HCRTR1: variants seen among roughly 807,000 people sequenced by gnomAD.
HCRTR1 encodes hypocretin receptor 1, also known as orexin/Hypocretin receptor type 1.
A neutral mutation model predicts 40.6 loss-of-function variants in HCRTR1; 28 were observed. The ratio of observed to expected loss-of-function variants is 0.69; its 90% CI spans 0.51 to 0.95. HCRTR1 has a LOEUF of 0.95. Ranked by LOEUF, HCRTR1 falls within the 40% of genes least tolerant of loss-of-function variation. The pLI is 0.00. For missense variants in HCRTR1, 482 were observed against 564.7 expected (o/e 0.85, Z 1.48); for synonymous variants, 209 against 230.0 (o/e 0.91, Z 0.83).
downstream of HCRTR1, chr1:31,632,500 T>C: frequency 6.2e-7 from 1 of 1,614,276 alleles, no homozygotes; most frequent in South Asian, 1.1e-5. Flanking sequence ...CGCACCTTGC[T>C]GCAGCTCTGT....
Position 31,619,111 on chromosome 1 carries a change from G to T in HCRTR1, c.-82G>T. ...CAAGCCTCCAGGCACCCTGAAGGGA[G>T]TGGGCTGAGGGCTGGCCCAAGCTCC... is the stretch of plus-strand genomic sequence containing the variant. On this transcript the variant is annotated 5_prime_UTR_variant, in exon 3 of 9. Coordinates refer to ENST00000403528, the MANE Select transcript of HCRTR1 (RefSeq NM_001525.3). The T allele has an allele frequency of 8.1e-7, 1 of 1,239,600 alleles. No homozygotes were observed. The allele number at this position is 1,239,600 out of a possible 1,614,324, so 76.8% of individuals were successfully genotyped here.
chr1:31,626,875 C>T lies in HCRTR1; in HGVS notation c.1173C>T (p.Pro391=), dbSNP rs749567498. Residue 391 remains proline (P), a synonymous_variant, in exon 9 of 9, where the codon CCC becomes CCT. Transcript: ENST00000403528. The surrounding 1 kb of genome is among the most constrained non-coding windows in gnomAD (Gnocchi z 4.6). ...GCGGCTCTCTGAAGGCCCCTAGTCC[C>T]CGCTCCTCTGCCAGCCACAAGTCCT... ...GPCGSLKAPS[P]RSSASHKSLS... is the part of the protein sequence containing the mutation. 6.8e-6 allele frequency: 11 copies of T among 1,614,108 alleles called. No individual in the cohort carries two copies. The highest frequency in any genetic ancestry group is 9.3e-6 in the Non-Finnish European group (11 of 1,180,046).
intron 5 of HCRTR1, 136 bp downstream of exon 5, chr1:31,621,222 GACT>G (rs1639849519): frequency 2.4e-6 from 3 of 1,244,344 alleles, no homozygotes; most frequent in Non-Finnish European, 3.3e-6. Flanking sequence ...GGACACCCTA[GACT>G]GGCTCCTACC....
Position 31,622,703 on chromosome 1 carries a change from G to A in HCRTR1, c.739-820G>A, listed in dbSNP as rs984387914. Among the ~76,000 whole-genome samples, 3 of 152,262 alleles carry A rather than the reference G, an allele frequency of 2.0e-5. No individual in the cohort carries two copies. In the South Asian group the frequency reaches 6.2e-4, roughly 32 times the overall value. On this transcript the variant is annotated intron_variant, in intron 6 of 8. Coordinates refer to ENST00000403528, the MANE Select transcript of HCRTR1 (RefSeq NM_001525.3). ...TCTGTGGTGGGTGATTTGAGTGTCC[G>A]GTGGCAGGAGAGGCTTCTCCAGGAG...
At chr1:31,624,288 G>A (rs542661278) in intron 7 of HCRTR1, among the ~76,000 whole-genome samples, 12 of 152,068 alleles carry the variant, frequency 7.9e-5, no homozygotes, top group African/African-American at 2.7e-4. Context: ...ATGAGACTTC[G>A]TCTCTACTAA....
downstream of HCRTR1, among the ~76,000 whole-genome samples, chr1:31,634,288 A>G (rs759811495): frequency 6.6e-5 from 10 of 152,240 alleles, no homozygotes; most frequent in African/African-American, 7.2e-5. Context: ...TGTAGTTTGT[A>G]TAGAAGGGCT....
chr1:31,632,407 CAA>C (rs1217708586), downstream of HCRTR1: 19 of 1,599,324 alleles, frequency 1.2e-5, no homozygotes, highest in Non-Finnish European at 1.5e-5. Context: ...CATTCGGTAA[CAA>C]GAGGAAACCC....
downstream of HCRTR1, chr1:31,630,410 T>C: frequency 1.7e-6 from 1 of 601,036 alleles, no homozygotes; most frequent in Admixed American, 2.9e-5. Flanking sequence ...ATCAGGCCCC[T>C]ATCTGTGTGG....
rs12057176 is a variant in HCRTR1 at position 31,626,117 on chromosome 1, C to T, written c.1088-673C>T. Among the ~76,000 whole-genome samples, 11,452 of 152,080 alleles carry T rather than the reference C, an allele frequency of 0.075. 534 individuals are homozygous for T. The highest frequency in any genetic ancestry group is 0.13 in the African/African-American group (5,231 of 41,356). ...CAGAGAGGCTGGCAGCCTAATGACA[C>T]ATGATCAAAGGGGCTTCAGCCTGAC... On this transcript the variant is annotated intron_variant, in intron 8 of 8. Transcript: ENST00000403528. This position sits in a 1 kb window ranked among gnomAD's most constrained non-coding sequence, Gnocchi z 4.6.
At chr1:31,630,932 G>T, downstream of HCRTR1, 2 of 1,095,536 alleles carry the variant, frequency 1.8e-6, no homozygotes, top group South Asian at 1.4e-5. Context: ...ACAGTTCAAG[G>T]AACTTCGAGA....
Position 31,626,776 on chromosome 1 carries a change from G to A in HCRTR1, c.1088-14G>A, listed in dbSNP as rs774267166. On this transcript the variant is annotated splice_polypyrimidine_tract_variant and intron_variant, in intron 8 of 8. Transcript: ENST00000403528. The surrounding 1 kb of genome is among the most constrained non-coding windows in gnomAD (Gnocchi z 4.6). The stretch of plus-strand genomic sequence containing the variant: ...CTGTCTCCTTATGGCTGTGTCTTTT[G>A]TCTCCCAACCAAGGCAAATTCCGGG... 3 of 1,462,032 alleles carry A rather than the reference G, an allele frequency of 2.1e-6. No homozygotes were observed. The highest frequency in any genetic ancestry group is 2.8e-6 in the Non-Finnish European group (3 of 1,084,542). 90.6% of individuals were successfully genotyped at this position (1,462,032 alleles called of 1,614,324 possible).
chr1:31,623,296 C>CA (rs11286118), intron 6 of HCRTR1, among the ~76,000 whole-genome samples: 2 of 133,284 alleles, frequency 1.5e-5, no homozygotes, highest in African/African-American at 5.6e-5. Flanking sequence ...AATGCCATCT[C>CA]AAAAAAAAAA....
Position 31,625,085 on chromosome 1 carries a change from G to T in HCRTR1, c.1054G>T (p.Ala352Ser), listed in dbSNP as rs763080324. ...FSHWLVYANS[A>S]ANPIIYNFLS... ...CCACTGGCTGGTGTACGCCAACAGC[G>T]CTGCCAACCCCATCATCTACAACTT... Residue 352 changes from alanine to serine, a missense_variant, in exon 8 of 9, where the codon GCT (alanine) becomes TCT (serine). Physicochemically the swap from Ala to Ser is moderately conservative, Grantham distance 99 (BLOSUM62 1). Coordinates refer to ENST00000403528, the MANE Select transcript of HCRTR1 (RefSeq NM_001525.3). The surrounding 1 kb of genome is among the most constrained non-coding windows in gnomAD (Gnocchi z 4.2). 16 of 1,611,984 alleles carry T rather than the reference G, an allele frequency of 9.9e-6. No individual in the cohort carries two copies. The highest frequency in any genetic ancestry group is 1.4e-5 in the Non-Finnish European group (16 of 1,179,010).
chr1:31,621,362 G>A, intron 5 of HCRTR1, 115 bp from the exon 6 acceptor site: 3 of 881,646 alleles, frequency 3.4e-6, no homozygotes, highest in South Asian at 1.5e-5. Context: ...GCTGTATGGG[G>A]TCCAGCTGCT....
downstream of HCRTR1, among the ~76,000 whole-genome samples, chr1:31,631,300 T>C (rs117486625): frequency 7.6e-4 from 116 of 152,282 alleles, 2 homozygotes; most frequent in East Asian, 0.022. Context: ...ATCTCTAAAA[T>C]GGGGATAATA....
rs1215850051 is a variant in HCRTR1 at position 31,626,250 on chromosome 1, T to C, written c.1088-540T>C. ...TGGAATTAGAATTGGGTTCAGCTTC[T>C]GGCTGGGTGGACTTGGGCAAGCCAC... On this transcript the variant is annotated intron_variant, in intron 8 of 8. Transcript: ENST00000403528. The surrounding 1 kb of genome is among the most constrained non-coding windows in gnomAD (Gnocchi z 4.6). Among the ~76,000 whole-genome samples, 1 of 152,220 alleles carries C rather than the reference T, an allele frequency of 6.6e-6. No homozygotes were observed. Among genetic ancestry groups the C allele is most frequent in the Non-Finnish European group, 1.5e-5 (1 of 68,038 alleles).
chr1:31,623,697 C>T lies in HCRTR1; in HGVS notation c.913C>T (p.Leu305=). ...AGCCAAGATGCTGATGGTGGTGCTG[C>T]TGGTCTTCGCCCTCTGCTACCTGCC... ...KTAKMLMVVL[L]VFALCYLPIS... is the part of the protein sequence containing the mutation. The change falls in exon 7 of 9, where the codon CTG becomes TTG. Residue 305 remains leucine (L), a synonymous_variant. Transcript: ENST00000403528. The T allele has an allele frequency of 1.2e-6, 2 of 1,614,192 alleles. No homozygotes were observed. Among genetic ancestry groups the T allele is most frequent in the Non-Finnish European group, 1.7e-6 (2 of 1,180,040 alleles).
chr1:31,627,825 G>A (rs1163276368), downstream of HCRTR1, among the ~76,000 whole-genome samples: 5 of 152,124 alleles, frequency 3.3e-5, no homozygotes, highest in Non-Finnish European at 7.3e-5. Flanking sequence ...CTGTGACGCC[G>A]GGACCTCACC....
chr1:31,620,766 G>A (rs753394826), intron 4 of HCRTR1, 77 bp from the exon 5 acceptor site: 40 of 1,556,164 alleles, frequency 2.6e-5, no homozygotes, highest in Admixed American at 1.5e-4. Context: ...TGCACCTGCC[G>A]TCAGCCTCCT....
Sources: allele counts gnomAD v4.1 joint callset (sites outside exome capture counted in the v4.1 genomes callset), GRCh38; gene constraint gnomAD v4.1.1; non-coding constraint Gnocchi (gnomAD v3.1); transcripts MANE v1.5; gene names NCBI Gene and HGNC (gene_info 2026-07-23, HGNC 2026-07-21).